CSRNP3: variants seen among roughly 807,000 people sequenced by gnomAD.
CSRNP3 encodes the protein cysteine and serine rich nuclear protein 3.
CSRNP3 carries 12 observed loss-of-function variants against 48.0 expected under a neutral mutation model. The ratio of observed to expected loss-of-function variants is 0.25; its 90% CI spans 0.16 to 0.41. The LOEUF (loss-of-function observed/expected upper bound fraction) is 0.41, where lower values mean the gene tolerates loss of function less well. Ranked by LOEUF, CSRNP3 falls within the 10% of genes least tolerant of loss-of-function variation. The probability of loss-of-function intolerance (pLI) is 1.00; values close to 1 mark genes in which losing one functional copy is unlikely to be tolerated. For synonymous variants in CSRNP3, 263 were observed against 269.7 expected (o/e 0.98, Z 0.24); for missense variants, 580 against 724.4 (o/e 0.80, Z 2.29).
At chr2:165,489,243 C>A (rs1469189255) in intron 1 of CSRNP3, among the ~76,000 whole-genome samples, 4 of 151,278 alleles carry the variant, frequency 2.6e-5, no homozygotes, top group African/African-American at 9.8e-5. Flanking sequence ...CAAGACTAAA[C>A]CAGGAAGAAG....
At chr2:165,478,552 T>A (rs1217449269) in intron 1 of CSRNP3, among the ~76,000 whole-genome samples, 1 of 152,222 alleles carries the variant, frequency 6.6e-6, no homozygotes. Context: ...TTTACTCTCA[T>A]GTCTTGTCTT....
intron 3 of CSRNP3, among the ~76,000 whole-genome samples, chr2:165,553,064 G>A (rs1052604821): frequency 3.3e-5 from 5 of 152,102 alleles, no homozygotes; most frequent in Non-Finnish European, 5.9e-5. Flanking sequence ...TTGTGATTAT[G>A]TTCTCCAACC....
At chr2:165,666,071 A>G (rs1687188562) in intron 5 of CSRNP3, among the ~76,000 whole-genome samples, 1 of 45,352 alleles carries the variant, frequency 2.2e-5, no homozygotes, top group Admixed American at 2.0e-4. Context: ...AGAAAGAAAG[A>G]GAGAGAGAGA....
intron 4 of CSRNP3, among the ~76,000 whole-genome samples, chr2:165,623,171 T>C (rs1686369870): frequency 6.6e-6 from 1 of 152,142 alleles, no homozygotes; most frequent in African/African-American, 2.4e-5. Context: ...TTATAAGTAA[T>C]CCACAGATGA....
intron 3 of CSRNP3, among the ~76,000 whole-genome samples, chr2:165,523,114 A>G (rs1410413343): frequency 6.6e-6 from 1 of 152,164 alleles, no homozygotes; most frequent in Non-Finnish European, 1.5e-5. Flanking sequence ...AATCCCCTCC[A>G]GCATCAAACC....
intron 3 of CSRNP3, among the ~76,000 whole-genome samples, chr2:165,528,906 C>T (rs1000677257): frequency 6.6e-6 from 1 of 152,164 alleles, no homozygotes; most frequent in African/African-American, 2.4e-5. Flanking sequence ...CAGGAGCTCC[C>T]CGGGTGCCAC....
Position 165,679,707 on chromosome 2 carries a change from A to G in CSRNP3, c.1712A>G (p.His571Arg), listed in dbSNP as rs1325991962. The G allele has an allele frequency of 1.2e-5, 20 of 1,614,070 alleles. No individual in the cohort carries two copies. Among genetic ancestry groups the G allele is most frequent in the Non-Finnish European group, 1.7e-5 (20 of 1,179,986 alleles). Residue 571 changes from histidine to arginine, a missense_variant, in exon 7 of 7, where the codon CAT (histidine) becomes CGT (arginine). Transcript: ENST00000651982. Reference sequence around the variant, plus strand: ...AGCCTTGCAGAAAAGAGCATATTGCATGAAGAGTGCATCAAATCACCCGTG... The same window carrying G: ...AGCCTTGCAGAAAAGAGCATATTGCGTGAAGAGTGCATCAAATCACCCGTG... ...SLSLAEKSIL[H>R]EECIKSPVVE...
chr2:165,516,531 A>G (rs1684584798), intron 2 of CSRNP3, among the ~76,000 whole-genome samples: 1 of 152,220 alleles, frequency 6.6e-6, no homozygotes, highest in African/African-American at 2.4e-5. Context: ...TAACTATTCC[A>G]TAATGCATAT....
rs538798860 is a variant in CSRNP3, at chr2:165,669,252, C to G, written c.409-7060C>G. ...CAGAAAATTTTGTTAGTAAACATAG[C>G]TTTTAAGTGCTAAAAAGAAGTGTTT... On this transcript the variant is annotated intron_variant, in intron 5 of 6. Coordinates refer to ENST00000651982, the MANE Select transcript of CSRNP3 (RefSeq NM_001172173.2). Among the ~76,000 whole-genome samples, 8 of 152,278 alleles carry G rather than the reference C, an allele frequency of 5.3e-5. No homozygotes were observed. The South Asian group carries it at 1.7e-3, about 32-fold the overall frequency.
In CSRNP3 at chr2:165,685,752, G is replaced by A. The variant is rs1339308180; in HGVS notation, c.*5999G>A. The stretch of plus-strand genomic sequence containing the variant: ...TGTCAACTTCACTGTGTCACTTTAT[G>A]TCATCTCTCATAAAAGTTTCTGGCA... On this transcript the variant is annotated 3_prime_UTR_variant, in exon 7 of 7. Transcript: ENST00000651982. 2 of 151,972 alleles carry A rather than the reference G, an allele frequency of 1.3e-5. No individual in the cohort carries two copies. Among genetic ancestry groups the A allele is most frequent in the Non-Finnish European group, 2.9e-5 (2 of 67,968 alleles). The allele number at this position is 151,972 out of a possible 1,614,324, so 9.4% of individuals were successfully genotyped here. A position where few individuals can be genotyped will look rare whatever the true frequency, so the allele number is the denominator to read the frequency against.
intron 2 of CSRNP3, among the ~76,000 whole-genome samples, chr2:165,496,603 T>A (rs1558916807): frequency 1.3e-5 from 2 of 152,190 alleles, no homozygotes; most frequent in South Asian, 4.1e-4. Flanking sequence ...ATACCCTTTC[T>A]GTGTACTTGG....
chr2:165,589,814 G>T (rs1269070773), intron 3 of CSRNP3, among the ~76,000 whole-genome samples: 1 of 152,186 alleles, frequency 6.6e-6, no homozygotes, highest in African/African-American at 2.4e-5. Flanking sequence ...GTTGTGACAT[G>T]CATCCCTGTA....
intron 4 of CSRNP3, among the ~76,000 whole-genome samples, chr2:165,652,734 G>C (rs1257518028): frequency 2.6e-5 from 4 of 151,782 alleles, no homozygotes; most frequent in Admixed American, 2.6e-4. Flanking sequence ...GGCAGAGATG[G>C]GGTTTCGCCA....
intron 4 of CSRNP3, among the ~76,000 whole-genome samples, chr2:165,603,897 C>G (rs1029362753): frequency 6.6e-6 from 1 of 152,180 alleles, no homozygotes; most frequent in Non-Finnish European, 1.5e-5. Flanking sequence ...GCAGAGCTTG[C>G]TTTCTCATCG....
At chr2:165,528,977 G>A (rs1025243591) in intron 3 of CSRNP3, among the ~76,000 whole-genome samples, 13 of 152,284 alleles carry the variant, frequency 8.5e-5, no homozygotes, top group African/African-American at 2.9e-4. Context: ...GGCCAGAGCA[G>A]GGGGGAGCCC....
chr2:165,578,008 T>C (rs1407451145), intron 3 of CSRNP3, among the ~76,000 whole-genome samples: 1 of 152,074 alleles, frequency 6.6e-6, no homozygotes. Flanking sequence ...AAATTTTCTT[T>C]TGTTAGTACA....
chr2:165,643,282 T>C (rs1351585821), intron 4 of CSRNP3, among the ~76,000 whole-genome samples: 2 of 152,234 alleles, frequency 1.3e-5, no homozygotes, highest in Non-Finnish European at 2.9e-5. Context: ...GACCTGTCCT[T>C]ACTTGGACCA....
chr2:165,667,087 G>GAGAGAGGAAGGAAGGAAGGAA, intron 5 of CSRNP3, among the ~76,000 whole-genome samples: 1 of 139,120 alleles, frequency 7.2e-6, no homozygotes, highest in Non-Finnish European at 1.6e-5. Context: ...GAGAAAGAAA[G>GAGAGAGGAAGGAAGGAAGGAA]AGAGAGAGAG....
chr2:165,666,126 G>A lies in CSRNP3; in HGVS notation c.408+8106G>A, dbSNP rs866066010. 1.0e-3 allele frequency among the ~76,000 whole-genome samples: 95 copies of A among 92,240 alleles called. No homozygotes were observed. The Middle Eastern group carries it at 0.032, about 31-fold the overall frequency. The allele number at this position is 92,240 out of a possible 152,430, so 60.5% of individuals were successfully genotyped here. On this transcript the variant is annotated intron_variant, in intron 5 of 6. Coordinates refer to ENST00000651982, the MANE Select transcript of CSRNP3 (RefSeq NM_001172173.2). ...GGAAGAAAGAAAGAGAGAGAGAAAG[G>A]AAGGAAGGAAGGAAGGAAAGAGAGA...
Sources: gnomAD v4.1 joint callset for allele counts (sites outside exome capture counted in the v4.1 genomes callset) on GRCh38, gnomAD v4.1.1 for gene constraint, MANE v1.5 for transcripts, NCBI Gene and HGNC (gene_info 2026-07-23, HGNC 2026-07-21) for gene names.